Variants in TLE5 observed in about 807,000 individuals in gnomAD.
TLE5 encodes TLE family member 5, transcriptional modulator.
In TLE5, 7 loss-of-function variants were observed where a neutral mutation model predicts 25.8. The ratio of observed to expected loss-of-function variants is 0.27; its 90% CI spans 0.15 to 0.51. TLE5 has a LOEUF of 0.51. Ranked by LOEUF, TLE5 falls within the 20% of genes least tolerant of loss-of-function variation. The pLI, the probability that TLE5 is intolerant of heterozygous loss-of-function variation, is 0.97. For missense variants in TLE5, 149 were observed against 250.7 expected (o/e 0.59, Z 2.74); for synonymous variants, 132 against 110.5 (o/e 1.20, Z -1.22).
chr19:3,054,086 T>TGGGGGGGGGGGGCCCCCCCC, intron 6 of TLE5, 34 bp downstream of exon 6: 1 of 1,512,804 alleles, frequency 6.6e-7, no homozygotes, highest in Non-Finnish European at 8.9e-7. Flanking sequence ...GGCCCACCTG[T>TGGGGGGGGGGGGCCCCCCCC]CCCCCGCCCA....
chr19:3,057,535 C>T (rs1452054788), intron 3 of TLE5, 144 bp downstream of exon 3: 17 of 774,654 alleles, frequency 2.2e-5, no homozygotes, highest in East Asian at 1.6e-4. Flanking sequence ...CAGCAGGGGC[C>T]GGCTGAATGG....
chr19:3,058,813 C>T (rs2090241230), intron 2 of TLE5, among the ~76,000 whole-genome samples: 1 of 152,154 alleles, frequency 6.6e-6, no homozygotes, highest in Admixed American at 6.5e-5. Flanking sequence ...TTAAATCCAA[C>T]CCAGCACAGG....
At chr19:3,055,953 T>C in intron 4 of TLE5, 2 of 528,952 alleles carry the variant, frequency 3.8e-6, no homozygotes, top group Non-Finnish European at 6.7e-6. Context: ...TAGAGTGAGG[T>C]AAGTGCAGGA....
At chr19:3,057,599 GC>G (rs1294265985) in intron 3 of TLE5, 79 bp downstream of exon 3, 1 of 1,389,468 alleles carries the variant, frequency 7.2e-7, no homozygotes, top group African/African-American at 1.4e-5. Flanking sequence ...GGTTGAGGGA[GC>G]AGCTGCCCGT....
chr19:3,056,517 AGGAG>A, intron 3 of TLE5, 161 bp from the exon 4 acceptor site: 1 of 599,432 alleles, frequency 1.7e-6, no homozygotes, highest in Non-Finnish European at 3.0e-6. Context: ...GGAGGGAAAG[AGGAG>A]GGAGAGACGC....
intron 2 of TLE5, among the ~76,000 whole-genome samples, chr19:3,060,733 C>T (rs1238233741): frequency 6.6e-6 from 1 of 152,192 alleles, no homozygotes; most frequent in Non-Finnish European, 1.5e-5. Flanking sequence ...CTGAAAGAAG[C>T]AGCACCTTGG....
rs1418717309 is a variant in TLE5, at chr19:3,061,177, C to T, written c.108G>A (p.Leu36=). 6.2e-7 allele frequency: 1 copy of T among 1,613,380 alleles called. No individual in the cohort carries two copies. Among genetic ancestry groups the T allele is most frequent in the Non-Finnish European group, 8.5e-7 (1 of 1,179,436 alleles). Residue 36 remains leucine (L), a synonymous_variant, in exon 2 of 7, where the codon CTG becomes CTA. Transcript: ENST00000327141. ...CDRIKDEFQL[L]QAQYHSLKLE... is the part of the protein sequence containing the mutation. Reference sequence around the variant, plus strand: ...CAGCTCACCTGTGGTACTGAGCTTGCAGTAGCTGAAATTCGTCTTTGATGC... The same window carrying T: ...CAGCTCACCTGTGGTACTGAGCTTGTAGTAGCTGAAATTCGTCTTTGATGC...
In TLE5 at chr19:3,053,686, G is replaced by C; in HGVS notation, c.*133C>G. The C allele has an allele frequency of 9.4e-7, 1 of 1,066,108 alleles. No homozygotes were observed. Among genetic ancestry groups the C allele is most frequent in the Non-Finnish European group, 1.3e-6 (1 of 758,898 alleles). The allele number at this position is 1,066,108 out of a possible 1,614,324, so 66.0% of individuals were successfully genotyped here. Reference sequence around the variant, plus strand: ...TGCAAGCTGGGCTGGGGCCCCCGCCGGCGGCCACCATAAATACTATGGGAG... The same window carrying C: ...TGCAAGCTGGGCTGGGGCCCCCGCCCGCGGCCACCATAAATACTATGGGAG... On this transcript the variant is annotated 3_prime_UTR_variant, in exon 7 of 7. Coordinates refer to ENST00000327141, the MANE Select transcript of TLE5 (RefSeq NM_001130.6).
intron 5 of TLE5, chr19:3,055,462 C>G: frequency 1.7e-5 from 7 of 400,758 alleles, no homozygotes; most frequent in South Asian, 1.1e-4. Context: ...GCCCGCCCCC[C>G]ACACGCCTGC....
Position 3,056,362 on chromosome 19 carries a change from T to A in TLE5, c.190-6A>T. ...CCGTAGGACATCTCGTAGTACTGTA[T>A]GGGGGAGAGAGAGGGGGAGCGGGAG... On this transcript the variant is annotated splice_polypyrimidine_tract_variant and splice_region_variant and intron_variant, in intron 3 of 6. Transcript: ENST00000327141. 1 of 1,013,532 alleles carries A rather than the reference T, an allele frequency of 9.9e-7. No individual in the cohort carries two copies. The highest frequency in any genetic ancestry group is 2.3e-5 in the African/African-American group (1 of 42,872). The allele number at this position is 1,013,532 out of a possible 1,614,324, so 62.8% of individuals were successfully genotyped here.
upstream of TLE5, chr19:3,062,790 A>T (rs1411628075): frequency 6.5e-7 from 1 of 1,549,958 alleles, no homozygotes; most frequent in Non-Finnish European, 8.7e-7. Flanking sequence ...CTGTGGCACG[A>T]CCTGGACGCG....
intron 2 of TLE5, among the ~76,000 whole-genome samples, chr19:3,058,181 T>TG (rs1568265081): frequency 1.3e-5 from 2 of 151,810 alleles, no homozygotes; most frequent in African/African-American, 2.4e-5. Flanking sequence ...CAGATCTGGT[T>TG]GGGGGGAAAT....
intron 2 of TLE5, among the ~76,000 whole-genome samples, chr19:3,060,144 CCTGA>C (rs902110977): frequency 4.3e-4 from 65 of 152,062 alleles, no homozygotes; most frequent in Admixed American, 2.0e-3. Flanking sequence ...TTGAGCATAG[CCTGA>C]CTTTCTCCAG....
intron 6 of TLE5, 34 bp downstream of exon 6, chr19:3,054,086 T>TGGGGGGGGGGCCC: frequency 2.6e-6 from 4 of 1,512,780 alleles, no homozygotes; most frequent in African/African-American, 1.4e-5. Flanking sequence ...GGCCCACCTG[T>TGGGGGGGGGGCCC]CCCCCGCCCA....
At position 3,057,637 on chromosome 19, in the gene TLE5, C is replaced by T. The variant is rs113900847; in HGVS notation, c.189+42G>A. The T allele has an allele frequency of 1.7e-3, 2,723 of 1,597,292 alleles. 45 individuals carry two copies. In the African/African-American group the frequency reaches 0.032, roughly 19 times the overall value. ...GTGGAGGGGATGTGGAGGGCCCTGT[C>T]GCCCGCCCCCAACACTGGACCTGGG... On this transcript the variant is annotated intron_variant, in intron 3 of 6. Transcript: ENST00000327141.
At position 3,054,203 on chromosome 19, in the gene TLE5, G is replaced by A; in HGVS notation, c.298-9C>T. On this transcript the variant is annotated splice_polypyrimidine_tract_variant and intron_variant, in intron 5 of 6. Coordinates refer to ENST00000327141, the MANE Select transcript of TLE5 (RefSeq NM_001130.6). ...AAGACCTGCTGCTGGTGCTGGAAGG[G>A]GGTCGGGGGAGAGGAGAGGCAGTGA... 6.2e-7 allele frequency: 1 copy of A among 1,608,172 alleles called. No individual in the cohort carries two copies. Among genetic ancestry groups the A allele is most frequent in the Non-Finnish European group, 8.5e-7 (1 of 1,179,110 alleles).
intron 1 of TLE5, 72 bp downstream of exon 1, chr19:3,062,102 C>T: frequency 1.5e-6 from 1 of 688,488 alleles, no homozygotes; most frequent in Non-Finnish European, 1.7e-6. Context: ...GGGCGCGGGG[C>T]CGGGAGCCGG....
chr19:3,056,164 G>A (rs1273661856), intron 4 of TLE5, 148 bp downstream of exon 4: 2 of 570,810 alleles, frequency 3.5e-6, no homozygotes, highest in Admixed American at 3.3e-5. Context: ...CTTGGGGAGG[G>A]CTTAGGAGGT....
intron 1 of TLE5, 94 bp from the exon 2 acceptor site, chr19:3,061,351 C>A (rs947010277): frequency 1.1e-6 from 1 of 915,002 alleles, no homozygotes; most frequent in Non-Finnish European, 1.8e-6. Context: ...GCTGCGGCGC[C>A]CCCCCTCCTG....
Sources: gnomAD v4.1 joint callset for allele counts (sites outside exome capture counted in the v4.1 genomes callset) on GRCh38, gnomAD v4.1.1 for gene constraint, MANE v1.5 for transcripts, NCBI Gene and HGNC (gene_info 2026-07-23, HGNC 2026-07-21) for gene names.